ZNF438: variants seen among roughly 807,000 people sequenced by gnomAD.
ZNF438 encodes the protein zinc finger protein 438.
Under a neutral mutation model 38.0 loss-of-function variants are expected in ZNF438, and 25 were observed. The observed-to-expected ratio is 0.66, with a 90% CI of 0.48 to 0.92. The LOEUF is 0.92. ZNF438 is among the 40% of genes least tolerant of loss of function. The pLI, the probability that ZNF438 is intolerant of heterozygous loss-of-function variation, is 0.00. For missense variants in ZNF438, 1,007 were observed against 999.6 expected, an observed-to-expected ratio of 1.01 and a Z score of -0.10; for synonymous variants, 372 against 364.1, an observed-to-expected ratio of 1.02 and a Z score of -0.25.
exon 6 of ZNF438, chr10:30,845,420 G>C: frequency 6.2e-7 from 1 of 1,614,046 alleles, no homozygotes; most frequent in South Asian, 1.1e-5. Flanking sequence ...CTTGTAGCCT[G>C]CCCTCAATTT....
rs1392679227 is a variant in ZNF438 at position 30,941,558 on chromosome 10, G to C, written c.-115+17C>G. 6.6e-6 allele frequency: 1 copy of C among 152,196 alleles called. No individual in the cohort carries two copies. The highest frequency in any genetic ancestry group is 1.5e-5 in the Non-Finnish European group (1 of 68,032). The allele number at this position is 152,196 out of a possible 1,614,324, so 9.4% of individuals were successfully genotyped here. On this transcript the variant is annotated intron_variant, in intron 2 of 5. Transcript: ENST00000413025. ...TAAATCTTAAGCTGGTACCAAGCTA[G>C]ATGTGAGCAGACTTACCTGAAGTGA...
In ZNF438 at chr10:30,931,980, G is replaced by C. The variant is rs1406963381; in HGVS notation, c.-115+9595C>G. 2.0e-5 allele frequency among the ~76,000 whole-genome samples: 3 copies of C among 152,250 alleles called. No homozygotes were observed. In the East Asian group the frequency reaches 5.8e-4, roughly 29 times the overall value. On this transcript the variant is annotated intron_variant, in intron 2 of 5. Coordinates refer to ENST00000413025, the Ensembl canonical transcript of ZNF438. ...TAAGGAGAAGGTAGAGGGTAATAAC[G>C]TGCTCCCAAGGAGACAAGTAGGAAG...
At chr10:30,940,398 C>G (rs2046689971) in intron 2 of ZNF438, among the ~76,000 whole-genome samples, 1 of 152,298 alleles carries the variant, frequency 6.6e-6, no homozygotes. Flanking sequence ...GTGCTTCTAG[C>G]TGGAGTAATC....
At chr10:30,949,788 A>G (rs920356390) in intron 1 of ZNF438, among the ~76,000 whole-genome samples, 1 of 151,444 alleles carries the variant, frequency 6.6e-6, no homozygotes, top group Non-Finnish European at 1.5e-5. Context: ...ACTCCCACAC[A>G]TTAATAATGG....
chr10:30,884,908 A>C (rs73243076), intron 3 of ZNF438, among the ~76,000 whole-genome samples: 1,837 of 152,354 alleles, frequency 0.012, 45 homozygotes, highest in African/African-American at 0.042. Flanking sequence ...ACATAAGAGA[A>C]TAACAGAAAA....
At chr10:30,866,464 T>C (rs2036439616) in intron 4 of ZNF438, among the ~76,000 whole-genome samples, 1 of 152,220 alleles carries the variant, frequency 6.6e-6, no homozygotes, top group Non-Finnish European at 1.5e-5. Flanking sequence ...TTCTTTCAAG[T>C]GGCAATTGGA....
chr10:30,921,546 G>A (rs923050981), intron 2 of ZNF438, among the ~76,000 whole-genome samples: 50 of 152,108 alleles, frequency 3.3e-4, no homozygotes, highest in African/African-American at 1.0e-3. Flanking sequence ...TATCTCTGAG[G>A]TCCAGCAACT....
exon 5 of ZNF438, chr10:30,849,802 C>T: frequency 6.2e-7 from 1 of 1,613,880 alleles, no homozygotes; most frequent in Non-Finnish European, 8.5e-7. Context: ...GTCTCAAGTC[C>T]CCATGGTCAC....
intron 4 of ZNF438, among the ~76,000 whole-genome samples, chr10:30,873,682 A>G (rs140639927): frequency 1.3e-5 from 2 of 152,318 alleles, no homozygotes; most frequent in Admixed American, 6.5e-5. Flanking sequence ...TGCTGTTCCA[A>G]CAGGATTTTA....
rs532504570 is a variant in ZNF438 at position 30,945,258 on chromosome 10, A to C, written c.-191-3607T>G. Among the ~76,000 whole-genome samples the C allele has an allele frequency of 7.2e-5, 11 of 152,136 alleles. No individual in the cohort carries two copies. The South Asian group carries it at 2.3e-3, about 31-fold the overall frequency. On this transcript the variant is annotated intron_variant, in intron 1 of 5. Transcript: ENST00000413025. ...TCTTTAATTAATTGATTCTTACATC[A>C]TTATGAAATATTTCTCAATACTGCT...
rs1564555167 is a variant in ZNF438 at position 30,879,986 on chromosome 10, G to A, written c.-31-2921C>T. On this transcript the variant is annotated intron_variant, in intron 3 of 5. Transcript: ENST00000413025. Reference sequence around the variant, plus strand: ...CAAACATCTCAAAACACTGATTCACGAGAAACATGAAAACATATTAAGGTA... The same window carrying A: ...CAAACATCTCAAAACACTGATTCACAAGAAACATGAAAACATATTAAGGTA... Among the ~76,000 whole-genome samples, 5 of 151,822 alleles carry A rather than the reference G, an allele frequency of 3.3e-5. 1 individual carries two copies. The highest frequency in any genetic ancestry group is 2.6e-4 in the Admixed American group (4 of 15,232).
chr10:30,861,503 T>C (rs1427612204), intron 4 of ZNF438, among the ~76,000 whole-genome samples: 1 of 152,082 alleles, frequency 6.6e-6, no homozygotes, highest in Non-Finnish European at 1.5e-5. Context: ...AGAATACTAG[T>C]GGCAATTAAA....
intron 2 of ZNF438, among the ~76,000 whole-genome samples, chr10:30,909,642 A>G (rs556534572): frequency 6.6e-6 from 1 of 152,322 alleles, no homozygotes; most frequent in African/African-American, 2.4e-5. Flanking sequence ...TTACTTTTTA[A>G]TACTGCATGG....
chr10:30,935,137 T>C (rs1018129769), intron 2 of ZNF438, among the ~76,000 whole-genome samples: 5 of 152,218 alleles, frequency 3.3e-5, no homozygotes, highest in Admixed American at 2.6e-4. Flanking sequence ...CAACACCAAA[T>C]GGTTGGTAAA....
chr10:30,950,161 C>A (rs1338063186), intron 1 of ZNF438, among the ~76,000 whole-genome samples: 2 of 149,908 alleles, frequency 1.3e-5, no homozygotes, highest in Admixed American at 6.7e-5. Flanking sequence ...GGGTACATAA[C>A]GAAATGAAGG....
chr10:30,992,736 A>C (rs931763726), intron 1 of ZNF438, among the ~76,000 whole-genome samples: 1 of 152,202 alleles, frequency 6.6e-6, no homozygotes, highest in African/African-American at 2.4e-5. Context: ...AGATTACTTA[A>C]GTGCTCATGA....
intron 1 of ZNF438, among the ~76,000 whole-genome samples, chr10:30,950,458 G>A (rs1367453912): frequency 6.7e-6 from 1 of 149,886 alleles, no homozygotes; most frequent in Non-Finnish European, 1.5e-5. Flanking sequence ...ATGAATCCAG[G>A]AGCTGGTTTT....
Position 31,008,960 on chromosome 10 carries a change from G to A in ZNF438, c.-192+22873C>T, listed in dbSNP as rs565225384. On this transcript the variant is annotated intron_variant, in intron 1 of 5. Coordinates refer to ENST00000413025, the Ensembl canonical transcript of ZNF438. ...GCTTTTGATTACAGCTAACTAGTGG[G>A]CATGAAGTAGTATCTTATGTGGTTT... is the stretch of plus-strand genomic sequence containing the variant. Among the ~76,000 whole-genome samples, 12 of 152,262 alleles carry A rather than the reference G, an allele frequency of 7.9e-5. No individual in the cohort carries two copies. The South Asian group carries it at 2.5e-3, about 32-fold the overall frequency.
intron 1 of ZNF438, among the ~76,000 whole-genome samples, chr10:31,002,977 T>A (rs1269315964): frequency 6.6e-6 from 1 of 152,220 alleles, no homozygotes; most frequent in Non-Finnish European, 1.5e-5. Flanking sequence ...GCCTGGAATG[T>A]ATAGCCTTTT....
Sources: allele counts gnomAD v4.1 joint callset (sites outside exome capture counted in the v4.1 genomes callset), GRCh38; gene constraint gnomAD v4.1.1; transcripts MANE v1.5; gene names NCBI Gene and HGNC (gene_info 2026-07-23, HGNC 2026-07-21).